The following DLG2 variants were observed in gnomAD, a reference collection of about 807,000 sequenced individuals.
DLG2 encodes disks large homolog 2.
A neutral mutation model predicts 132.5 loss-of-function variants in DLG2; 45 were observed. The ratio of observed to expected loss-of-function variants is 0.34; its 90% confidence interval spans 0.27 to 0.44. DLG2 has a LOEUF of 0.44. Ranked by LOEUF, DLG2 falls within the 20% of genes least tolerant of loss-of-function variation. DLG2 has a pLI of 1.00. For synonymous variants in DLG2, 424 were observed against 419.6 expected (o/e 1.01, Z -0.13); for missense variants, 1,045 against 1,196.9 (o/e 0.87, Z 1.87).
chr11:85,593,580 A>G (rs184617137), intron 3 of DLG2, among the ~76,000 whole-genome samples: 2,614 of 152,278 alleles, frequency 0.017, 54 homozygotes, highest in Non-Finnish European at 0.026. Context: ...ATATAAATAA[A>G]CTAAAAGAAT....
chr11:84,471,860 T>C (rs148525724), intron 7 of DLG2, among the ~76,000 whole-genome samples: 1 of 151,990 alleles, frequency 6.6e-6, no homozygotes, highest in African/African-American at 2.4e-5. Flanking sequence ...GGTGTTAAGA[T>C]AAAACTCACT....
chr11:84,423,994 T>C (rs745604720), intron 7 of DLG2, among the ~76,000 whole-genome samples: 2 of 152,118 alleles, frequency 1.3e-5, no homozygotes, highest in Non-Finnish European at 2.9e-5. Flanking sequence ...GACACTGACT[T>C]ATTTTCAAAA....
chr11:84,552,468 G>C (rs141052689), intron 6 of DLG2, among the ~76,000 whole-genome samples: 1 of 152,200 alleles, frequency 6.6e-6, no homozygotes, highest in African/African-American at 2.4e-5. Flanking sequence ...TAACGTCAAA[G>C]TTCAGTTAAG....
intron 15 of DLG2, among the ~76,000 whole-genome samples, chr11:83,908,878 C>T (rs766684897): frequency 9.9e-5 from 15 of 152,140 alleles, no homozygotes; most frequent in Non-Finnish European, 2.1e-4. Flanking sequence ...GGACTATAGG[C>T]CTGTGCCAGC....
chr11:84,783,021 C>A (rs894755141), intron 6 of DLG2, among the ~76,000 whole-genome samples: 1 of 152,070 alleles, frequency 6.6e-6, no homozygotes, highest in Non-Finnish European at 1.5e-5. Flanking sequence ...ACTGCTTCTT[C>A]CTATAACTCT....
chr11:84,287,318 C>T (rs1347821420), intron 7 of DLG2, among the ~76,000 whole-genome samples: 2 of 151,986 alleles, frequency 1.3e-5, no homozygotes, highest in African/African-American at 4.8e-5. Flanking sequence ...CCTAGGAGGT[C>T]GGGATGGTTA....
chr11:84,376,723 C>A (rs1022856019), intron 7 of DLG2, among the ~76,000 whole-genome samples: 9 of 149,590 alleles, frequency 6.0e-5, no homozygotes, highest in African/African-American at 9.9e-5. Flanking sequence ...AAAAAAAAAA[C>A]AACTCATTTC....
intron 7 of DLG2, among the ~76,000 whole-genome samples, chr11:84,310,284 A>G (rs769269308): frequency 2.0e-5 from 3 of 152,226 alleles, no homozygotes; most frequent in Admixed American, 6.5e-5. Flanking sequence ...TGTGAAATGC[A>G]TGCTACCCTT....
At chr11:85,347,840 G>T (rs1596409505) in intron 3 of DLG2, among the ~76,000 whole-genome samples, 1 of 118,348 alleles carries the variant, frequency 8.4e-6, no homozygotes, top group African/African-American at 3.4e-5. Context: ...GTCTCACTCT[G>T]TCACCCAGGC....
At chr11:83,855,664 G>T (rs558539134) in intron 16 of DLG2, among the ~76,000 whole-genome samples, 27 of 152,228 alleles carry the variant, frequency 1.8e-4, no homozygotes, top group African/African-American at 5.3e-4. Context: ...TGGGGTATAG[G>T]GGGAGGAAGG....
chr11:84,192,101 G>C (rs2096420908), intron 8 of DLG2, among the ~76,000 whole-genome samples: 1 of 152,218 alleles, frequency 6.6e-6, no homozygotes, highest in South Asian at 2.1e-4. Context: ...CTGCACATGG[G>C]ACAAGTAAGA....
chr11:84,923,030 G>A (rs372500240), intron 6 of DLG2: 2 of 1,611,370 alleles, frequency 1.2e-6, no homozygotes, highest in African/African-American at 2.7e-5. Context: ...TTCTGCAGCT[G>A]GTTTAACATG....
rs1266514564 is a variant in DLG2, at chr11:84,904,494, C to G, written c.357+207167G>C. Among the ~76,000 whole-genome samples the G allele has an allele frequency of 2.6e-5, 4 of 152,096 alleles. No homozygotes were observed. The East Asian group carries it at 7.7e-4, about 29-fold the overall frequency. ...TTAACTAAATCAGACTATACTGTTT[C>G]CTAAATGTTTTCTATGCTTTCCTAC... On this transcript the variant is annotated intron_variant, in intron 6 of 27. Coordinates refer to ENST00000376104, the MANE Select transcript of DLG2 (RefSeq NM_001142699.3).
At chr11:85,067,777 G>A (rs1294721142) in intron 6 of DLG2, among the ~76,000 whole-genome samples, 1 of 152,004 alleles carries the variant, frequency 6.6e-6, no homozygotes, top group Non-Finnish European at 1.5e-5. Flanking sequence ...TAGAAAAAGA[G>A]GGAATCCTCC....
intron 19 of DLG2, among the ~76,000 whole-genome samples, chr11:83,546,103 A>G (rs1044335811): frequency 1.3e-5 from 2 of 152,078 alleles, no homozygotes; most frequent in Non-Finnish European, 2.9e-5. Flanking sequence ...CTGAATTTCA[A>G]TGTGTGGTGG....
rs1592243952 is a variant in DLG2, at chr11:84,986,306, T to A, written c.357+125355A>T. 2.0e-5 allele frequency among the ~76,000 whole-genome samples: 3 copies of A among 151,870 alleles called. No individual in the cohort carries two copies. In the South Asian group the frequency reaches 6.2e-4, roughly 32 times the overall value. On this transcript the variant is annotated intron_variant, in intron 6 of 27. Coordinates refer to ENST00000376104, the MANE Select transcript of DLG2 (RefSeq NM_001142699.3). Reference sequence around the variant, plus strand: ...ACAAGCAGCGAGATTGAAATGGTAATTTAAAAAACTCCAGGACCAGATGGA... The same window carrying A: ...ACAAGCAGCGAGATTGAAATGGTAAATTAAAAAACTCCAGGACCAGATGGA...
At chr11:84,491,808 G>A (rs1428473454) in intron 7 of DLG2, among the ~76,000 whole-genome samples, 1 of 152,052 alleles carries the variant, frequency 6.6e-6, no homozygotes. Flanking sequence ...TCTCTAAAAT[G>A]CTCACACTGT....
rs67717983 is a variant in DLG2, at chr11:83,849,749, CT to C, written c.1566-15980del. Among the ~76,000 whole-genome samples the C allele has an allele frequency of 4.1e-3, 605 of 146,004 alleles. 3 individuals carry two copies. The highest frequency in any genetic ancestry group is 0.014 in the Middle Eastern group (4 of 280). ...CTGGAAGTTTTACAATCTGGAGCTC[CT>C]TTTTTTTTTTTTTTTAAAAAAAAAG... On this transcript the variant is annotated intron_variant, in intron 16 of 27. Transcript: ENST00000376104.
intron 4 of DLG2, among the ~76,000 whole-genome samples, chr11:85,199,992 G>A (rs1233548714): frequency 2.0e-5 from 3 of 150,720 alleles, no homozygotes; most frequent in Admixed American, 6.6e-5. Context: ...TCAACAAGAT[G>A]GCAGAATAAG....
Sources: allele counts gnomAD v4.1 joint callset (sites outside exome capture counted in the v4.1 genomes callset), GRCh38; gene constraint gnomAD v4.1.1; transcripts MANE v1.5; gene names NCBI Gene and HGNC (gene_info 2026-07-23, HGNC 2026-07-21).